ATP6V1A: variants seen among roughly 807,000 people sequenced by gnomAD.
ATP6V1A encodes V-type proton ATPase catalytic subunit A.
ATP6V1A carries 18 observed loss-of-function variants against 70.1 expected under a neutral mutation model. The ratio of observed to expected loss-of-function variants is 0.26; its 90% confidence interval spans 0.18 to 0.38. The LOEUF (loss-of-function observed/expected upper bound fraction) is 0.38, where lower values mean the gene tolerates loss of function less well. Ranked by LOEUF, ATP6V1A falls within the 10% of genes least tolerant of loss-of-function variation. ATP6V1A has a pLI of 1.00. For missense variants in ATP6V1A, 424 were observed against 772.4 expected, an observed-to-expected ratio of 0.55 and a Z score of 5.35; for synonymous variants, 232 against 253.8, an observed-to-expected ratio of 0.91 and a Z score of 0.82.
chr3:113,748,894 A>G (rs1015449813), intron 1 of ATP6V1A, among the ~76,000 whole-genome samples: 8 of 152,182 alleles, frequency 5.3e-5, no homozygotes, highest in African/African-American at 1.9e-4. Flanking sequence ...AATTTTCTCC[A>G]TAATAAGGTT....
intron 8 of ATP6V1A, among the ~76,000 whole-genome samples, chr3:113,794,296 T>C (rs898473122): frequency 6.6e-6 from 1 of 152,216 alleles, no homozygotes; most frequent in African/African-American, 2.4e-5. Flanking sequence ...GTATGTGATA[T>C]ATAGAGAGAA....
intron 11 of ATP6V1A, among the ~76,000 whole-genome samples, chr3:113,797,923 A>G (rs546564275): frequency 4.5e-4 from 68 of 152,242 alleles, no homozygotes; most frequent in Non-Finnish European, 5.1e-4. Flanking sequence ...ACATGAGGTC[A>G]GGAGTTCGAG....
chr3:113,772,554 C>T lies in ATP6V1A; in HGVS notation c.-13-6187C>T, dbSNP rs1247997271. ...CATCCTGGCTAACACAGTGAAATCC[C>T]GTCTCTACTAAAAATACAAAAAAAT... On this transcript the variant is annotated intron_variant, in intron 1 of 14. Coordinates refer to ENST00000273398, the MANE Select transcript of ATP6V1A (RefSeq NM_001690.4). Among the ~76,000 whole-genome samples the T allele has an allele frequency of 7.2e-5, 11 of 152,088 alleles. No individual in the cohort carries two copies. The South Asian group carries it at 8.3e-4, about 11-fold the overall frequency.
In ATP6V1A at chr3:113,789,705, A is replaced by G. The variant is rs773032009; in HGVS notation, c.880-27A>G. 6.0e-6 allele frequency: 9 copies of G among 1,509,830 alleles called. No individual in the cohort carries two copies. In the East Asian group the frequency reaches 2.0e-4, roughly 34 times the overall value. The allele number at this position is 1,509,830 out of a possible 1,614,324, so 93.5% of individuals were successfully genotyped here. On this transcript the variant is annotated intron_variant, in intron 7 of 14. Coordinates refer to ENST00000273398, the MANE Select transcript of ATP6V1A (RefSeq NM_001690.4). Reference sequence around the variant, plus strand: ...TAAAATGTTACCTTAGAAATTGGAGATTCACTAATATATATTTTACCTCTA... The same window carrying G: ...TAAAATGTTACCTTAGAAATTGGAGGTTCACTAATATATATTTTACCTCTA...
chr3:113,761,484 C>G (rs1708704586), intron 1 of ATP6V1A, among the ~76,000 whole-genome samples: 1 of 151,658 alleles, frequency 6.6e-6, no homozygotes, highest in Non-Finnish European at 1.5e-5. Flanking sequence ...CACGTGTTAT[C>G]CCAGCGCTTT....
At chr3:113,752,165 C>G (rs1708594417) in intron 1 of ATP6V1A, among the ~76,000 whole-genome samples, 1 of 151,774 alleles carries the variant, frequency 6.6e-6, no homozygotes, top group Non-Finnish European at 1.5e-5. Flanking sequence ...AAGCTTATTT[C>G]ACTGAAAATA....
At chr3:113,805,661 T>G in intron 14 of ATP6V1A, 136 bp downstream of exon 14, 1 of 874,178 alleles carries the variant, frequency 1.1e-6, no homozygotes. Flanking sequence ...CTCTGCCTCC[T>G]GGGTTCAAAC....
At chr3:113,769,314 G>A (rs1708806991) in intron 1 of ATP6V1A, among the ~76,000 whole-genome samples, 1 of 152,138 alleles carries the variant, frequency 6.6e-6, no homozygotes, top group South Asian at 2.1e-4. Flanking sequence ...TTAACAGTGT[G>A]TGAAAATAAG....
intron 1 of ATP6V1A, among the ~76,000 whole-genome samples, chr3:113,758,581 A>G (rs1708669751): frequency 1.3e-5 from 2 of 152,098 alleles, no homozygotes; most frequent in Non-Finnish European, 2.9e-5. Flanking sequence ...CCATTCACCC[A>G]TTGCTGGATA....
At chr3:113,766,514 T>C (rs149050264) in intron 1 of ATP6V1A, among the ~76,000 whole-genome samples, 4 of 152,296 alleles carry the variant, frequency 2.6e-5, no homozygotes, top group Non-Finnish European at 4.4e-5. Flanking sequence ...ATTCTGTTCT[T>C]GAACACCTGG....
intron 1 of ATP6V1A, among the ~76,000 whole-genome samples, chr3:113,755,775 C>G (rs1356129623): frequency 2.0e-5 from 3 of 152,226 alleles, no homozygotes; most frequent in East Asian, 3.9e-4. Context: ...TATATTCATA[C>G]AAGTGTGTTT....
chr3:113,751,989 T>C (rs1215724367), intron 1 of ATP6V1A, among the ~76,000 whole-genome samples: 3 of 151,906 alleles, frequency 2.0e-5, no homozygotes, highest in African/African-American at 2.4e-5. Context: ...CTTTCTTATA[T>C]CTTAAGGTTT....
At chr3:113,793,276 T>C (rs1307115091) in intron 8 of ATP6V1A, among the ~76,000 whole-genome samples, 1 of 152,140 alleles carries the variant, frequency 6.6e-6, no homozygotes, top group Non-Finnish European at 1.5e-5. Context: ...TTGGCCAGGC[T>C]GGTCTCGAAC....
At chr3:113,763,260 T>C (rs1451946451) in intron 1 of ATP6V1A, among the ~76,000 whole-genome samples, 1 of 152,194 alleles carries the variant, frequency 6.6e-6, no homozygotes, top group East Asian at 1.9e-4. Flanking sequence ...GCTAATTTTT[T>C]GTATTTTTAG....
intron 14 of ATP6V1A, among the ~76,000 whole-genome samples, chr3:113,808,827 A>G (rs768553229): frequency 6.6e-6 from 1 of 152,188 alleles, no homozygotes; most frequent in Non-Finnish European, 1.5e-5. Context: ...TGCAAAATTA[A>G]AATTTTGTTT....
intron 1 of ATP6V1A, among the ~76,000 whole-genome samples, chr3:113,763,119 C>T (rs1473725241): frequency 6.6e-6 from 1 of 151,874 alleles, no homozygotes; most frequent in Non-Finnish European, 1.5e-5. Context: ...GAGGCAGAGT[C>T]TCGCTCTGTC....
At chr3:113,799,751 G>A (rs1365544420) in intron 12 of ATP6V1A, among the ~76,000 whole-genome samples, 1 of 152,134 alleles carries the variant, frequency 6.6e-6, no homozygotes, top group East Asian at 1.9e-4. Flanking sequence ...CTCTACACTA[G>A]CAGTACCAAC....
At chr3:113,749,516 A>G (rs1036953288) in intron 1 of ATP6V1A, among the ~76,000 whole-genome samples, 2 of 152,158 alleles carry the variant, frequency 1.3e-5, no homozygotes, top group Non-Finnish European at 2.9e-5. Flanking sequence ...TGCCACCACT[A>G]AGAATGCTTT....
Position 113,805,381 on chromosome 3 carries a change from G to T in ATP6V1A, c.1617G>T (p.Gly539=), listed in dbSNP as rs151030472. 16 of 1,614,084 alleles carry T rather than the reference G, an allele frequency of 9.9e-6. No homozygotes were observed. The highest frequency in any genetic ancestry group is 1.4e-5 in the Non-Finnish European group (16 of 1,179,980). ...DRFCPFYKTV[G]MLSNMIAFYD... Reference sequence around the variant, plus strand: ...TCTGCCCATTCTACAAGACAGTAGGGATGCTGTCCAACATGATTGCATTTT... The same window carrying T: ...TCTGCCCATTCTACAAGACAGTAGGTATGCTGTCCAACATGATTGCATTTT... Residue 539 remains glycine (G), a synonymous_variant, in exon 14 of 15, where the codon GGG becomes GGT. Transcript: ENST00000273398.
Sources: allele counts gnomAD v4.1 joint callset (sites outside exome capture counted in the v4.1 genomes callset), GRCh38; gene constraint gnomAD v4.1.1; transcripts MANE v1.5; gene names NCBI Gene and HGNC (gene_info 2026-07-23, HGNC 2026-07-21).